Variants in LIPJ observed in about 807,000 individuals in gnomAD.
LIPJ encodes the protein lipase family member J, also known as lipase member J.
A neutral mutation model predicts 39.8 loss-of-function variants in LIPJ; 33 were observed. The ratio of observed to expected loss-of-function variants is 0.83; its 90% CI spans 0.63 to 1.11. The LOEUF (loss-of-function observed/expected upper bound fraction) is 1.11, where lower values mean the gene tolerates loss of function less well. LIPJ is among the 50% of genes least tolerant of loss of function. The probability of loss-of-function intolerance (pLI) is 0.00; values close to 1 mark genes in which losing one functional copy is unlikely to be tolerated. For missense variants in LIPJ, 422 were observed against 427.9 expected, an observed-to-expected ratio of 0.99 and a Z score of 0.12; for synonymous variants, 128 against 139.2, an observed-to-expected ratio of 0.92 and a Z score of 0.57.
chr10:88,596,271 T>C lies in LIPJ; in HGVS notation c.440-9T>C. The C allele has an allele frequency of 7.5e-7, 1 of 1,335,766 alleles. No homozygotes were observed. The highest frequency in any genetic ancestry group is 9.9e-7 in the Non-Finnish European group (1 of 1,011,302). 82.7% of individuals were successfully genotyped at this position (1,335,766 alleles called of 1,614,324 possible). A position where few individuals can be genotyped will look rare whatever the true frequency, so the allele number is the denominator to read the frequency against. On this transcript the variant is annotated splice_polypyrimidine_tract_variant and intron_variant, in intron 6 of 10. Transcript: ENST00000371939. Reference sequence around the variant, plus strand: ...ATAGCTTACTAATTTATATCTTATTTTATTTTAGGTTTCATAACATTTTCT... The same window carrying C: ...ATAGCTTACTAATTTATATCTTATTCTATTTTAGGTTTCATAACATTTTCT...
chr10:88,613,834 G>GTGTA, the LIPJ span, among the ~76,000 whole-genome samples: 71 of 134,216 alleles, frequency 5.3e-4, 1 homozygote, highest in African/African-American at 1.7e-3. Context: ...ATATATGTGT[G>GTGTA]TATATATATA....
the LIPJ span, among the ~76,000 whole-genome samples, chr10:88,616,042 T>C: frequency 6.6e-6 from 1 of 152,002 alleles, no homozygotes; most frequent in African/African-American, 2.4e-5. Flanking sequence ...CAAGACCCCA[T>C]CTCTACAAAA....
exon 6 of LIPJ, chr10:88,594,680 G>A (rs776965932): frequency 6.6e-7 from 1 of 1,518,480 alleles, no homozygotes; most frequent in Non-Finnish European, 8.8e-7. Flanking sequence ...TGATGAGATG[G>A]CAAAATATGA....
chr10:88,621,915 C>T, the LIPJ span, among the ~76,000 whole-genome samples: 1 of 152,092 alleles, frequency 6.6e-6, no homozygotes, highest in Non-Finnish European at 1.5e-5. Context: ...TAAAGGTAAC[C>T]ATTATCTTAT....
intron 8 of LIPJ, among the ~76,000 whole-genome samples, chr10:88,599,787 A>G (rs1851408568): frequency 6.6e-6 from 1 of 151,608 alleles, no homozygotes; most frequent in Non-Finnish European, 1.5e-5. Flanking sequence ...CCTCAAAGAT[A>G]TTTTAAAGCT....
At chr10:88,584,620 A>G (rs1850844764), upstream of LIPJ, 1 of 152,134 alleles carries the variant, frequency 6.6e-6, no homozygotes, top group Non-Finnish European at 1.5e-5. Flanking sequence ...TTCTTTCTTG[A>G]GACAGGGTCT....
upstream of LIPJ, among the ~76,000 whole-genome samples, chr10:88,586,328 G>T (rs566207681): frequency 8.7e-4 from 132 of 152,272 alleles, 1 homozygote; most frequent in Non-Finnish European, 1.5e-3. Context: ...GGAAAGGTAA[G>T]AATGACTAGA....
At chr10:88,596,912 A>C in exon 8 of LIPJ, 1 of 1,553,628 alleles carries the variant, frequency 6.4e-7, no homozygotes. Context: ...TGATGTTTGG[A>C]TATGACCCAA....
At chr10:88,594,880 A>C (rs1482513446) in intron 6 of LIPJ, 104 bp downstream of exon 6, 2 of 466,746 alleles carry the variant, frequency 4.3e-6, no homozygotes, top group African/African-American at 2.0e-5. Context: ...TAAGTAAAAC[A>C]AAAACTGTGA....
At chr10:88,585,920 C>T (rs1293765180), upstream of LIPJ, among the ~76,000 whole-genome samples, 4 of 152,186 alleles carry the variant, frequency 2.6e-5, no homozygotes, top group Admixed American at 2.6e-4. Flanking sequence ...TATTATCATC[C>T]TACAGTTATC....
chr10:88,609,647 T>C (rs1851725829), downstream of LIPJ, among the ~76,000 whole-genome samples: 1 of 152,140 alleles, frequency 6.6e-6, no homozygotes, highest in South Asian at 2.1e-4. Flanking sequence ...ACGCCTGTAA[T>C]CCCAGCACTT....
intron 2 of LIPJ, 30 bp downstream of exon 2, chr10:88,587,422 G>T (rs1312275280): frequency 6.6e-6 from 1 of 152,066 alleles, no homozygotes; most frequent in African/African-American, 2.4e-5. Context: ...ATTGTTGTGT[G>T]TTGTACCTAG....
intron 2 of LIPJ, among the ~76,000 whole-genome samples, chr10:88,589,737 C>T (rs1162604737): frequency 6.6e-6 from 1 of 151,664 alleles, no homozygotes; most frequent in Non-Finnish European, 1.5e-5. Context: ...AGGATTGTTA[C>T]ATATTAATGT....
Position 88,591,537 on chromosome 10 carries a change from G to T in LIPJ, c.130+39G>T, listed in dbSNP as rs761173210. ...GAAGATGGATTGGTGACAATCTGGG[G>T]CCTGAAGTTCTTAATTGCTCCAATT... On this transcript the variant is annotated intron_variant, in intron 4 of 10. Transcript: ENST00000371939. The T allele has an allele frequency of 1.6e-4, 256 of 1,555,842 alleles. 1 individual carries two copies. The highest frequency in any genetic ancestry group is 2.2e-4 in the Non-Finnish European group (248 of 1,151,244).
At chr10:88,618,666 G>T in the LIPJ span, 1 of 154,096 alleles carries the variant, frequency 6.5e-6, no homozygotes, top group South Asian at 1.9e-4. Context: ...CTCTGACCCT[G>T]ATGACAAATG....
intron 4 of LIPJ, chr10:88,593,001 C>G (rs1851133244): frequency 6.6e-6 from 1 of 151,906 alleles, no homozygotes; most frequent in South Asian, 2.1e-4. Context: ...CTAACATATT[C>G]ATATCAGGTG....
At chr10:88,620,378 T>C in the LIPJ span, among the ~76,000 whole-genome samples, 1 of 152,210 alleles carries the variant, frequency 6.6e-6, no homozygotes, top group Admixed American at 6.5e-5. Flanking sequence ...ATAATTATAT[T>C]ATTATGATTA....
At chr10:88,586,628 A>G (rs1850926680), upstream of LIPJ, 1 of 152,110 alleles carries the variant, frequency 6.6e-6, no homozygotes, top group African/African-American at 2.4e-5. Context: ...TTTTAGAAGT[A>G]ATCTCACTTT....
intron 8 of LIPJ, among the ~76,000 whole-genome samples, chr10:88,599,350 A>G (rs562752223): frequency 7.2e-5 from 11 of 152,168 alleles, no homozygotes; most frequent in Admixed American, 1.3e-4. Flanking sequence ...CATCCTGTAC[A>G]TTAAATCCTC....
Sources: gnomAD v4.1 joint callset for allele counts (sites outside exome capture counted in the v4.1 genomes callset) on GRCh38, gnomAD v4.1.1 for gene constraint, MANE v1.5 for transcripts, NCBI Gene and HGNC (gene_info 2026-07-23, HGNC 2026-07-21) for gene names.